PLEKHA7: variants seen among roughly 807,000 people sequenced by gnomAD.
PLEKHA7 encodes pleckstrin homology domain-containing family A member 7.
PLEKHA7 carries 104 observed loss-of-function variants against 170.0 expected under a neutral mutation model. That is an observed-to-expected ratio of 0.61 (90% CI 0.52 to 0.72). The LOEUF is 0.72. PLEKHA7 is among the 30% of genes least tolerant of loss of function. The pLI, the probability that PLEKHA7 is intolerant of heterozygous loss-of-function variation, is 0.00. For missense variants in PLEKHA7, 1,615 were observed against 1,671.7 expected, an observed-to-expected ratio of 0.97 and a Z score of 0.59; for synonymous variants, 648 against 660.8, an observed-to-expected ratio of 0.98 and a Z score of 0.30.
At chr11:16,978,232 A>G (rs1565174142) in intron 3 of PLEKHA7, among the ~76,000 whole-genome samples, 1 of 152,240 alleles carries the variant, frequency 6.6e-6, no homozygotes, top group Non-Finnish European at 1.5e-5. Context: ...CTACAGCTTA[A>G]TATCACTTAA....
chr11:16,813,375 G>A, intron 12 of PLEKHA7: 1 of 458,582 alleles, frequency 2.2e-6, no homozygotes, highest in Non-Finnish European at 4.0e-6. Context: ...AGGTCACTGT[G>A]GGGAAAGTCA....
intron 9 of PLEKHA7, among the ~76,000 whole-genome samples, chr11:16,831,524 T>C (rs965166545): frequency 1.3e-5 from 2 of 152,222 alleles, no homozygotes; most frequent in African/African-American, 4.8e-5. Flanking sequence ...GCTGTTCCCA[T>C]GCAGGTCATT....
chr11:16,862,040 C>A (rs1008021841), intron 4 of PLEKHA7, among the ~76,000 whole-genome samples: 1 of 152,094 alleles, frequency 6.6e-6, no homozygotes, highest in African/African-American at 2.4e-5. Flanking sequence ...ACAGACAGAC[C>A]GCCAACGCTC....
intron 3 of PLEKHA7, among the ~76,000 whole-genome samples, chr11:16,982,639 G>C (rs1863499077): frequency 6.6e-6 from 1 of 152,080 alleles, no homozygotes; most frequent in Admixed American, 6.5e-5. Context: ...AAACAAACCA[G>C]TTCTAAAACC....
At chr11:16,839,192 T>G (rs1235685584) in intron 9 of PLEKHA7, among the ~76,000 whole-genome samples, 4 of 152,108 alleles carry the variant, frequency 2.6e-5, no homozygotes, top group Non-Finnish European at 5.9e-5. Context: ...GATTCATATA[T>G]ACTGATATTG....
intron 4 of PLEKHA7, among the ~76,000 whole-genome samples, chr11:16,861,148 T>C (rs538562419): frequency 1.3e-5 from 2 of 152,282 alleles, no homozygotes; most frequent in Admixed American, 1.3e-4. Flanking sequence ...TAGCATCTTA[T>C]AAAAATAAAT....
chr11:16,843,474 T>C (rs574389725), intron 8 of PLEKHA7, among the ~76,000 whole-genome samples: 2 of 152,250 alleles, frequency 1.3e-5, no homozygotes, highest in Non-Finnish European at 2.9e-5. Context: ...CATTTACATA[T>C]CTGAGTCCAT....
At chr11:16,946,008 G>T (rs566001627) in intron 3 of PLEKHA7, among the ~76,000 whole-genome samples, 2 of 152,308 alleles carry the variant, frequency 1.3e-5, no homozygotes, top group African/African-American at 4.8e-5. Context: ...GCTCATGAGG[G>T]AGCCACAGAC....
chr11:16,807,473 T>C (rs1456845302), intron 13 of PLEKHA7, among the ~76,000 whole-genome samples: 1 of 152,220 alleles, frequency 6.6e-6, no homozygotes, highest in South Asian at 2.1e-4. Context: ...ATATGCTGTC[T>C]GAAGGGACTT....
At chr11:16,783,184 C>T (rs1464943481) in intron 25 of PLEKHA7, among the ~76,000 whole-genome samples, 1 of 152,202 alleles carries the variant, frequency 6.6e-6, no homozygotes, top group Non-Finnish European at 1.5e-5. Flanking sequence ...GGGAGGCTTA[C>T]AAACAAGATT....
chr11:16,864,993 C>T (rs1854269253), intron 4 of PLEKHA7, among the ~76,000 whole-genome samples: 1 of 152,176 alleles, frequency 6.6e-6, no homozygotes, highest in African/African-American at 2.4e-5. Flanking sequence ...ACTTTTACCA[C>T]ATCCTCCATC....
At chr11:16,855,211 C>T (rs193138909) in intron 5 of PLEKHA7, among the ~76,000 whole-genome samples, 317 of 151,732 alleles carry the variant, frequency 2.1e-3, no homozygotes, top group Middle Eastern at 6.8e-3. Flanking sequence ...CCAGCTGGGT[C>T]ACTGAAAAAA....
At chr11:16,855,537 G>A (rs138549776) in intron 5 of PLEKHA7, 87 of 428,284 alleles carry the variant, frequency 2.0e-4, no homozygotes, top group African/African-American at 1.6e-3. Context: ...AAATAGAAAC[G>A]TGGCCCTCCC....
intron 24 of PLEKHA7, among the ~76,000 whole-genome samples, chr11:16,784,909 G>A (rs1382675114): frequency 6.6e-6 from 1 of 152,162 alleles, no homozygotes; most frequent in Non-Finnish European, 1.5e-5. Flanking sequence ...AGGCAATCAG[G>A]ACACTACAGA....
At chr11:16,865,713 A>C (rs1422979824) in intron 4 of PLEKHA7, among the ~76,000 whole-genome samples, 1 of 152,012 alleles carries the variant, frequency 6.6e-6, no homozygotes, top group Non-Finnish European at 1.5e-5. Flanking sequence ...AAGAAAAGAA[A>C]TGAGCACTCT....
At chr11:16,889,654 T>C (rs929318741) in intron 3 of PLEKHA7, among the ~76,000 whole-genome samples, 1 of 151,822 alleles carries the variant, frequency 6.6e-6, no homozygotes, top group Admixed American at 6.6e-5. Flanking sequence ...GAAAATTGGC[T>C]TTATGTGAAA....
chr11:16,949,949 G>A (rs772082862), intron 3 of PLEKHA7, among the ~76,000 whole-genome samples: 2 of 151,942 alleles, frequency 1.3e-5, no homozygotes, highest in Non-Finnish European at 2.9e-5. Flanking sequence ...TCTACAAGGG[G>A]CATGGGAATT....
intron 16 of PLEKHA7, 87 bp from the exon 17 acceptor site, chr11:16,801,162 G>T: frequency 8.7e-7 from 1 of 1,152,664 alleles, no homozygotes; most frequent in Non-Finnish European, 1.3e-6. Context: ...TGACCATGCT[G>T]ACCCAGCCAG....
chr11:16,896,954 T>C (rs186344983), intron 3 of PLEKHA7, among the ~76,000 whole-genome samples: 1 of 152,278 alleles, frequency 6.6e-6, no homozygotes, highest in East Asian at 1.9e-4. Context: ...TACTGCCTCA[T>C]TGTGGTTGTT....
Sources: allele counts gnomAD v4.1 joint callset (sites outside exome capture counted in the v4.1 genomes callset), GRCh38; gene constraint gnomAD v4.1.1; transcripts MANE v1.5; gene names NCBI Gene and HGNC (gene_info 2026-07-23, HGNC 2026-07-21).